The following CTNNA2 variants were observed in gnomAD, a reference collection of about 807,000 sequenced individuals.
CTNNA2 encodes catenin alpha 2.
CTNNA2 carries 42 observed loss-of-function variants against 101.0 expected under a neutral mutation model. The observed-to-expected ratio is 0.42, with a 90% CI of 0.32 to 0.54. The LOEUF is 0.54. Among genes scored for constraint, CTNNA2 ranks in the 20% least tolerant of loss-of-function variants. The pLI is 0.14. For synonymous variants in CTNNA2, 450 were observed against 456.4 expected, an observed-to-expected ratio of 0.99 and a Z score of 0.18; for missense variants, 871 against 1,223.1, an observed-to-expected ratio of 0.71 and a Z score of 4.29.
At chr2:79,592,021 A>T (rs944622475) in intron 1 of CTNNA2, among the ~76,000 whole-genome samples, 5 of 151,884 alleles carry the variant, frequency 3.3e-5, no homozygotes, top group Non-Finnish European at 7.4e-5. Flanking sequence ...TCTAGATTAA[A>T]AAATTCAATC....
intron 2 of CTNNA2, among the ~76,000 whole-genome samples, chr2:79,658,499 G>GA (rs756417976): frequency 2.8e-4 from 42 of 151,808 alleles, no homozygotes; most frequent in Admixed American, 1.1e-3. Context: ...ATACTTTTTA[G>GA]AAAAAATATT....
chr2:79,668,241 C>A (rs867502761), intron 2 of CTNNA2, among the ~76,000 whole-genome samples: 6 of 95,004 alleles, frequency 6.3e-5, no homozygotes, highest in Non-Finnish European at 1.2e-4. Flanking sequence ...AGCGAGACTC[C>A]GTCTCAAAAA....
intron 1 of CTNNA2, among the ~76,000 whole-genome samples, chr2:79,195,515 C>G (rs1449847813): frequency 1.3e-5 from 2 of 152,208 alleles, no homozygotes; most frequent in African/African-American, 4.8e-5. Context: ...ACCAGATCAT[C>G]CTGACCAGTC....
At chr2:79,958,582 G>T (rs1449834476) in intron 7 of CTNNA2, among the ~76,000 whole-genome samples, 2 of 152,132 alleles carry the variant, frequency 1.3e-5, no homozygotes, top group Non-Finnish European at 1.5e-5. Context: ...GAATTAGATT[G>T]TTCCCTAAAG....
chr2:80,527,997 T>G (rs1690185097), intron 9 of CTNNA2, among the ~76,000 whole-genome samples: 1 of 152,178 alleles, frequency 6.6e-6, no homozygotes, highest in Non-Finnish European at 1.5e-5. Context: ...CATCCAAATT[T>G]ATGAATAACA....
intron 4 of CTNNA2, among the ~76,000 whole-genome samples, chr2:79,499,550 A>G (rs1671297385): frequency 6.6e-6 from 1 of 152,184 alleles, no homozygotes; most frequent in African/African-American, 2.4e-5. Context: ...AGCCACAGAC[A>G]CTATTAGGAC....
chr2:80,609,564 G>A (rs1467867139), intron 17 of CTNNA2, among the ~76,000 whole-genome samples: 1 of 151,666 alleles, frequency 6.6e-6, no homozygotes, highest in Admixed American at 6.6e-5. Flanking sequence ...TTTCTGCCAA[G>A]CTGGTAATTA....
intron 4 of CTNNA2, among the ~76,000 whole-genome samples, chr2:79,410,089 T>A (rs1678391350): frequency 6.7e-6 from 1 of 149,224 alleles, no homozygotes; most frequent in East Asian, 2.0e-4. Context: ...CACTCATGAT[T>A]TGGCCCTCTG....
chr2:80,106,430 C>A (rs1425593085), intron 7 of CTNNA2, among the ~76,000 whole-genome samples: 1 of 152,174 alleles, frequency 6.6e-6, no homozygotes, highest in East Asian at 1.9e-4. Context: ...CTGGGTTACA[C>A]TATCTATGTG....
chr2:79,631,787 C>G (rs1679713812), intron 1 of CTNNA2, among the ~76,000 whole-genome samples: 1 of 152,098 alleles, frequency 6.6e-6, no homozygotes, highest in South Asian at 2.1e-4. Context: ...TCTAAAGGAC[C>G]AAACCACTTG....
chr2:79,594,075 G>C (rs567801500), intron 1 of CTNNA2, among the ~76,000 whole-genome samples: 1 of 151,868 alleles, frequency 6.6e-6, no homozygotes, highest in African/African-American at 2.4e-5. Flanking sequence ...TTTTAGTAGA[G>C]ATGAGGTTTC....
At chr2:80,577,495 C>A (rs907695778) in intron 13 of CTNNA2, among the ~76,000 whole-genome samples, 1 of 152,040 alleles carries the variant, frequency 6.6e-6, no homozygotes, top group African/African-American at 2.4e-5. Context: ...GAGTTGGGAG[C>A]CACTGGAGGG....
At chr2:79,790,804 G>C (rs57138756) in intron 3 of CTNNA2, among the ~76,000 whole-genome samples, 1 of 152,012 alleles carries the variant, frequency 6.6e-6, no homozygotes, top group Admixed American at 6.6e-5. Flanking sequence ...ATTATTGATC[G>C]TTACTTAGAC....
intron 4 of CTNNA2, among the ~76,000 whole-genome samples, chr2:79,413,632 C>G (rs186908402): frequency 3.3e-5 from 5 of 151,932 alleles, no homozygotes; most frequent in Admixed American, 6.6e-5. Context: ...TTTTGAGGAA[C>G]TGTCATACTG....
chr2:80,428,060 T>C (rs1000952403), intron 9 of CTNNA2, among the ~76,000 whole-genome samples: 20 of 152,130 alleles, frequency 1.3e-4, no homozygotes, highest in African/African-American at 4.8e-4. Flanking sequence ...AAGATGACTA[T>C]TAAATGGAGA....
chr2:79,247,115 C>G (rs1479787646), intron 2 of CTNNA2, among the ~76,000 whole-genome samples: 1 of 152,130 alleles, frequency 6.6e-6, no homozygotes, highest in Non-Finnish European at 1.5e-5. Flanking sequence ...TTTTAGGAAC[C>G]ACTTGTGGAT....
chr2:79,670,815 A>G (rs1682787809), intron 2 of CTNNA2, among the ~76,000 whole-genome samples: 2 of 152,242 alleles, frequency 1.3e-5, no homozygotes, highest in South Asian at 2.1e-4. Flanking sequence ...CTGTTTGCTT[A>G]CATTTTGGAG....
intron 12 of CTNNA2, among the ~76,000 whole-genome samples, chr2:80,566,008 C>T (rs765654886): frequency 6.6e-6 from 1 of 152,136 alleles, no homozygotes; most frequent in Non-Finnish European, 1.5e-5. Flanking sequence ...GATCAAGCAT[C>T]GTTGCTACAA....
chr2:79,808,657 A>G (rs1478328102), intron 3 of CTNNA2, among the ~76,000 whole-genome samples: 1 of 152,202 alleles, frequency 6.6e-6, no homozygotes, highest in African/African-American at 2.4e-5. Flanking sequence ...CAAGGTCACA[A>G]CAATTTTTTT....
Sources: gnomAD v4.1 joint callset for allele counts (sites outside exome capture counted in the v4.1 genomes callset) on GRCh38, gnomAD v4.1.1 for gene constraint, MANE v1.5 for transcripts, NCBI Gene and HGNC (gene_info 2026-07-23, HGNC 2026-07-21) for gene names.